Variants in FOXP2 observed in about 807,000 individuals in gnomAD.
The protein encoded by FOXP2 is forkhead box P2, also known as forkhead box protein P2.
In FOXP2, 12 loss-of-function variants were observed where a neutral mutation model predicts 115.8. The ratio of observed to expected loss-of-function variants is 0.10; its 90% confidence interval spans 0.07 to 0.17. The LOEUF (loss-of-function observed/expected upper bound fraction) is 0.17. Ranked by LOEUF, FOXP2 falls within the 10% of genes least tolerant of loss-of-function variation. FOXP2 has a pLI of 1.00. For synonymous variants in FOXP2, 328 were observed against 297.7 expected (o/e 1.10, Z -1.05); for missense variants, 629 against 843.5 (o/e 0.75, Z 3.15).
At chr7:114,560,963 CAGAA>C (rs1208946314) in intron 3 of FOXP2, 1 of 152,180 alleles carries the variant, frequency 6.6e-6, no homozygotes, top group Admixed American at 6.5e-5. Flanking sequence ...AATCTGGTCT[CAGAA>C]GGAGCAAAAA....
At chr7:114,541,800 T>C (rs191654160) in intron 3 of FOXP2, among the ~76,000 whole-genome samples, 44 of 151,606 alleles carry the variant, frequency 2.9e-4, no homozygotes, top group Middle Eastern at 3.4e-3. Flanking sequence ...TGCTTCTTTC[T>C]GTAATCCATT....
intron 2 of FOXP2, among the ~76,000 whole-genome samples, chr7:114,522,967 A>G (rs965484371): frequency 1.3e-5 from 2 of 151,770 alleles, no homozygotes; most frequent in African/African-American, 2.4e-5. Flanking sequence ...CAAAAATTTT[A>G]TATTTATATA....
At chr7:114,543,651 G>A (rs1799788904) in intron 3 of FOXP2, among the ~76,000 whole-genome samples, 1 of 152,210 alleles carries the variant, frequency 6.6e-6, no homozygotes, top group South Asian at 2.1e-4. Context: ...GGTTATGTGT[G>A]TGAGAAGTCA....
At chr7:114,400,699 C>T (rs890247516) in intron 2 of FOXP2, among the ~76,000 whole-genome samples, 1 of 152,082 alleles carries the variant, frequency 6.6e-6, no homozygotes, top group Non-Finnish European at 1.5e-5. Flanking sequence ...AACCTAGATT[C>T]CTAGCATGCA....
At chr7:114,348,890 T>C (rs138915013) in intron 2 of FOXP2, among the ~76,000 whole-genome samples, 2 of 152,192 alleles carry the variant, frequency 1.3e-5, no homozygotes, top group Admixed American at 1.3e-4. Flanking sequence ...AGCTTATGAG[T>C]ATTCAACACC....
upstream of FOXP2, chr7:114,086,501 C>G (rs1237837847): frequency 2.8e-6 from 1 of 353,232 alleles, no homozygotes; most frequent in Non-Finnish European, 5.6e-6. Context: ...GCGCCCCCCA[C>G]TCGCGGCAGC....
At position 114,663,437 on chromosome 7, in the gene FOXP2, T is replaced by A; in HGVS notation, c.1770-13T>A. 1 of 1,404,876 alleles carries A rather than the reference T, an allele frequency of 7.1e-7. No homozygotes were observed. 87.0% of individuals were successfully genotyped at this position (1,404,876 alleles called of 1,614,324 possible). A position where few individuals can be genotyped will look rare whatever the true frequency, so the allele number is the denominator to read the frequency against. ...TTGACGTATAAATGATCTTTATATATTTTTTTTTTCAGAAGTCCAACCTTA... is the reference window on the plus strand; with the variant it reads ...TTGACGTATAAATGATCTTTATATAATTTTTTTTTCAGAAGTCCAACCTTA... On this transcript the variant is annotated splice_polypyrimidine_tract_variant and intron_variant, in intron 14 of 16. Coordinates refer to ENST00000350908, the MANE Select transcript of FOXP2 (RefSeq NM_014491.4).
intron 2 of FOXP2, among the ~76,000 whole-genome samples, chr7:114,308,206 C>T (rs1797061991): frequency 6.6e-6 from 1 of 152,006 alleles, no homozygotes; most frequent in Non-Finnish European, 1.5e-5. Context: ...AACTTTTGTA[C>T]AAAATAGAAA....
chr7:114,532,427 C>T (rs1379807429), intron 2 of FOXP2, among the ~76,000 whole-genome samples: 1 of 151,850 alleles, frequency 6.6e-6, no homozygotes, highest in African/African-American at 2.4e-5. Context: ...GAGTCTTACT[C>T]ATTGCCTACT....
At chr7:114,543,714 A>C (rs188976464) in intron 3 of FOXP2, among the ~76,000 whole-genome samples, 66 of 152,322 alleles carry the variant, frequency 4.3e-4, no homozygotes, top group African/African-American at 1.5e-3. Flanking sequence ...TCATGGCTTG[A>C]AGAACTGCAC....
At chr7:114,463,425 G>T (rs1795666930) in intron 2 of FOXP2, among the ~76,000 whole-genome samples, 1 of 152,216 alleles carries the variant, frequency 6.6e-6, no homozygotes, top group African/African-American at 2.4e-5. Context: ...AGTGGCCAAT[G>T]TCACTGAGGA....
chr7:114,515,287 C>G (rs1366138561), intron 2 of FOXP2, among the ~76,000 whole-genome samples: 6 of 150,818 alleles, frequency 4.0e-5, no homozygotes, highest in Non-Finnish European at 8.8e-5. Flanking sequence ...CCTGAGGAAT[C>G]GCCACACTGA....
intron 2 of FOXP2, among the ~76,000 whole-genome samples, chr7:114,510,871 A>T (rs1234847057): frequency 1.3e-5 from 2 of 152,190 alleles, no homozygotes; most frequent in Non-Finnish European, 2.9e-5. Context: ...TACCCAAAGG[A>T]TTATAAACAT....
intron 2 of FOXP2, among the ~76,000 whole-genome samples, chr7:114,346,560 C>T (rs1366405412): frequency 8.6e-5 from 13 of 151,512 alleles, no homozygotes; most frequent in African/African-American, 2.4e-4. Flanking sequence ...ATAAAGAAAA[C>T]GTGGTATATA....
intron 16 of FOXP2, among the ~76,000 whole-genome samples, chr7:114,681,505 T>G (rs1808079725): frequency 6.6e-6 from 1 of 152,140 alleles, no homozygotes; most frequent in Non-Finnish European, 1.5e-5. Flanking sequence ...TGCATGTGTG[T>G]TAATGATTTT....
intron 2 of FOXP2, among the ~76,000 whole-genome samples, chr7:114,347,196 A>G (rs1009380914): frequency 6.6e-6 from 1 of 151,922 alleles, no homozygotes; most frequent in Non-Finnish European, 1.5e-5. Flanking sequence ...TGACCTATAA[A>G]CAGTTTATAT....
chr7:114,156,370 C>A (rs1349873626), intron 1 of FOXP2, among the ~76,000 whole-genome samples: 1 of 152,128 alleles, frequency 6.6e-6, no homozygotes, highest in Admixed American at 6.5e-5. Context: ...AGTTCTGAAG[C>A]CAGCTACCTG....
chr7:114,528,011 G>C (rs920220451), intron 2 of FOXP2, among the ~76,000 whole-genome samples: 6 of 151,894 alleles, frequency 4.0e-5, no homozygotes, highest in African/African-American at 1.5e-4. Context: ...CCTGGGCCAG[G>C]CTTATTTTAT....
At chr7:114,169,960 T>C (rs184922320) in intron 1 of FOXP2, among the ~76,000 whole-genome samples, 55 of 152,298 alleles carry the variant, frequency 3.6e-4, no homozygotes, top group Non-Finnish European at 7.6e-4. Context: ...CTGCCATGAT[T>C]TTGAGGTCTC....
Sources: allele counts gnomAD v4.1 joint callset (sites outside exome capture counted in the v4.1 genomes callset), GRCh38; gene constraint gnomAD v4.1.1; transcripts MANE v1.5; gene names NCBI Gene and HGNC (gene_info 2026-07-23, HGNC 2026-07-21).